PACSIN2: variants seen among roughly 807,000 people sequenced by gnomAD.
PACSIN2 encodes protein kinase C and casein kinase substrate in neurons 2, also known as protein kinase C and casein kinase substrate in neurons protein 2.
A neutral mutation model predicts 63.8 loss-of-function variants in PACSIN2; 25 were observed. The observed-to-expected ratio is 0.39, with a 90% CI of 0.29 to 0.55. PACSIN2 has a LOEUF of 0.55. PACSIN2 is among the 20% of genes least tolerant of loss of function. The probability of loss-of-function intolerance (pLI) is 0.62; values close to 1 mark genes in which losing one functional copy is unlikely to be tolerated. For missense variants in PACSIN2, 518 were observed against 646.9 expected, an observed-to-expected ratio of 0.80 and a Z score of 2.16; for synonymous variants, 255 against 256.2, an observed-to-expected ratio of 1.00 and a Z score of 0.05.
Position 42,871,205 on chromosome 22 carries a change from A to ACCAGGTGCC in PACSIN2, c.*151_*152insGGCACCTGG. 4.7e-6 allele frequency: 3 copies of ACCAGGTGCC among 635,906 alleles called. No homozygotes were observed. The highest frequency in any genetic ancestry group is 8.6e-6 in the Non-Finnish European group (3 of 349,204). The allele number at this position is 635,906 out of a possible 1,614,324, so 39.4% of individuals were successfully genotyped here. A position where few individuals can be genotyped will look rare whatever the true frequency, so the allele number is the denominator to read the frequency against. Reference sequence around the variant, plus strand: ...TCGGAAAGGTGCCGAGTCCCAGGCGAAATGACCAGCTCATCTGCCTTCCAG... The same window carrying ACCAGGTGCC: ...TCGGAAAGGTGCCGAGTCCCAGGCGACCAGGTGCCAATGACCAGCTCATCTGCCTTCCAG... On this transcript the variant is annotated 3_prime_UTR_variant, in exon 11 of 11. Coordinates refer to ENST00000263246, the MANE Select transcript of PACSIN2 (RefSeq NM_001184970.3). The surrounding 1 kb of genome is among the most constrained non-coding windows in gnomAD (Gnocchi z 5.4).
chr22:42,872,371 G>C (rs1928221917), intron 10 of PACSIN2, among the ~76,000 whole-genome samples: 1 of 152,232 alleles, frequency 6.6e-6, no homozygotes, highest in African/African-American at 2.4e-5. Flanking sequence ...GGGCCTGCTG[G>C]CTCGGACCTC....
intron 7 of PACSIN2, chr22:42,880,494 C>G (rs2146642129): frequency 6.6e-6 from 1 of 152,298 alleles, no homozygotes; most frequent in East Asian, 1.9e-4. Flanking sequence ...ATACCCCTGA[C>G]AGCAGCGCAG....
intron 1 of PACSIN2, among the ~76,000 whole-genome samples, chr22:42,946,354 C>T (rs1933419921): frequency 6.6e-6 from 1 of 152,168 alleles, no homozygotes; most frequent in South Asian, 2.1e-4. Context: ...GGAGTGGAAG[C>T]ACTCACTGAC....
chr22:42,978,975 G>C (rs1229729679), intron 1 of PACSIN2, among the ~76,000 whole-genome samples: 1 of 152,150 alleles, frequency 6.6e-6, no homozygotes, highest in African/African-American at 2.4e-5. Context: ...ATTATGCTCA[G>C]GTTAGCTGGT....
Position 42,888,626 on chromosome 22 carries a change from A to G in PACSIN2, c.609+17T>C, listed in dbSNP as rs1569224793. The G allele has an allele frequency of 6.2e-7, 1 of 1,612,696 alleles. No homozygotes were observed. Among genetic ancestry groups the G allele is most frequent in the Non-Finnish European group, 8.5e-7 (1 of 1,178,774 alleles). On this transcript the variant is annotated intron_variant, in intron 5 of 10. Coordinates refer to ENST00000263246, the MANE Select transcript of PACSIN2 (RefSeq NM_001184970.3). ...ACACGGTGACACTCGACGTGTAAAA[A>G]CAAGTGTACAGTTTACCTTAAGAAC...
chr22:43,014,373 C>A lies in PACSIN2; in HGVS notation c.-78+648G>T, dbSNP rs1360915831. 5.1e-3 allele frequency among the ~76,000 whole-genome samples: 93 copies of A among 18,118 alleles called. 1 individual carries two copies. The highest frequency in any genetic ancestry group is 0.027 in the African/African-American group (90 of 3,276). The allele number at this position is 18,118 out of a possible 152,430, so 11.9% of individuals were successfully genotyped here. ...ACACAGACACACACACACCACCCCC[C>A]CCCCCCCGGGACACGGAGGGTGGGA... is the stretch of plus-strand genomic sequence containing the variant. On this transcript the variant is annotated intron_variant, in intron 1 of 10. Coordinates refer to ENST00000263246, the MANE Select transcript of PACSIN2 (RefSeq NM_001184970.3).
chr22:42,882,666 C>T (rs530799256), intron 6 of PACSIN2, among the ~76,000 whole-genome samples: 5 of 152,314 alleles, frequency 3.3e-5, no homozygotes, highest in Non-Finnish European at 7.4e-5. Context: ...TTAGAAAGTA[C>T]CCCTCCTTCC....
At chr22:42,901,031 C>T (rs1393725042) in intron 2 of PACSIN2, among the ~76,000 whole-genome samples, 1 of 152,210 alleles carries the variant, frequency 6.6e-6, no homozygotes, top group Non-Finnish European at 1.5e-5. Context: ...CATATGCCAA[C>T]AAAGTTCCCA....
At chr22:42,895,674 G>A (rs184431983) in intron 2 of PACSIN2, among the ~76,000 whole-genome samples, 9 of 152,336 alleles carry the variant, frequency 5.9e-5, no homozygotes, top group Admixed American at 2.0e-4. Context: ...GAGTGTTTCC[G>A]TAAGTACACA....
chr22:42,942,159 G>C (rs551440137), intron 1 of PACSIN2, among the ~76,000 whole-genome samples: 22 of 142,630 alleles, frequency 1.5e-4, no homozygotes, highest in African/African-American at 5.8e-4. Context: ...GTCTCATGTT[G>C]CTCAGGCTGG....
chr22:42,923,518 C>G (rs1392180290), intron 1 of PACSIN2, among the ~76,000 whole-genome samples: 1 of 152,152 alleles, frequency 6.6e-6, no homozygotes, highest in African/African-American at 2.4e-5. Context: ...AGCTCCGCCT[C>G]CCGGGTTCAC....
intron 6 of PACSIN2, among the ~76,000 whole-genome samples, chr22:42,884,063 C>G (rs1929285650): frequency 6.6e-6 from 1 of 152,214 alleles, no homozygotes; most frequent in Non-Finnish European, 1.5e-5. Context: ...GCTGTGGCCC[C>G]AGAATGGGCA....
intron 1 of PACSIN2, among the ~76,000 whole-genome samples, chr22:42,927,488 A>G (rs1474419139): frequency 6.6e-6 from 1 of 152,044 alleles, no homozygotes; most frequent in African/African-American, 2.4e-5. Flanking sequence ...GCCTCAAGTG[A>G]TCCACCCATC....
At chr22:42,917,060 T>G (rs1454441332) in intron 1 of PACSIN2, among the ~76,000 whole-genome samples, 1 of 152,182 alleles carries the variant, frequency 6.6e-6, no homozygotes, top group East Asian at 1.9e-4. Context: ...CTATGGCGAC[T>G]CCTCATGTGC....
chr22:42,898,435 CT>C (rs1930445259), intron 2 of PACSIN2, among the ~76,000 whole-genome samples: 1 of 152,074 alleles, frequency 6.6e-6, no homozygotes, highest in Admixed American at 6.6e-5. Context: ...CCACGCCCAG[CT>C]AATTTTGTAT....
intron 1 of PACSIN2, among the ~76,000 whole-genome samples, chr22:43,010,398 A>ATATATATATATATATTTT: frequency 2.4e-5 from 3 of 126,392 alleles, no homozygotes; most frequent in Non-Finnish European, 3.4e-5. Context: ...ATATATATAT[A>ATATATATATATATATTTT]TTTTTTTTTA....
At chr22:42,885,940 C>T (rs971218656) in intron 5 of PACSIN2, among the ~76,000 whole-genome samples, 2 of 152,228 alleles carry the variant, frequency 1.3e-5, no homozygotes, top group Non-Finnish European at 2.9e-5. Context: ...GTGCCCACTA[C>T]CTGGCAGCCC....
chr22:42,923,966 C>T (rs1932367520), intron 1 of PACSIN2, among the ~76,000 whole-genome samples: 3 of 151,932 alleles, frequency 2.0e-5, no homozygotes, highest in African/African-American at 7.2e-5. Context: ...TGCTTGAGCC[C>T]AGGAATTTGA....
intron 8 of PACSIN2, among the ~76,000 whole-genome samples, chr22:42,878,650 A>G (rs892789215): frequency 1.3e-5 from 2 of 152,168 alleles, no homozygotes; most frequent in Admixed American, 1.3e-4. Flanking sequence ...GTGAGCATGA[A>G]CCTCGGCAGG....
Sources: allele counts gnomAD v4.1 joint callset (sites outside exome capture counted in the v4.1 genomes callset), GRCh38; gene constraint gnomAD v4.1.1; non-coding constraint Gnocchi (gnomAD v3.1); transcripts MANE v1.5; gene names NCBI Gene and HGNC (gene_info 2026-07-23, HGNC 2026-07-21).